CDC37L1: variants seen among roughly 807,000 people sequenced by gnomAD.
CDC37L1 encodes the protein cell division cycle 37 like 1, HSP90 cochaperone.
CDC37L1 carries 32 observed loss-of-function variants against 45.9 expected under a neutral mutation model. The ratio of observed to expected loss-of-function variants is 0.70; its 90% confidence interval spans 0.53 to 0.94. CDC37L1 has a LOEUF of 0.94. Among genes scored for constraint, CDC37L1 ranks in the 40% least tolerant of loss-of-function variants. The pLI is 0.00. For missense variants in CDC37L1, 434 were observed against 405.7 expected, an observed-to-expected ratio of 1.07 and a Z score of -0.60; for synonymous variants, 150 against 133.0, an observed-to-expected ratio of 1.13 and a Z score of -0.88.
chr9:4,689,629 G>C (rs530725117), intron 3 of CDC37L1, among the ~76,000 whole-genome samples: 52 of 152,118 alleles, frequency 3.4e-4, no homozygotes, highest in African/African-American at 1.2e-3. Flanking sequence ...TAAAGACAAA[G>C]TTTTTCTACA....
chr9:4,691,811 C>T (rs1333416650), intron 3 of CDC37L1, among the ~76,000 whole-genome samples: 15 of 152,092 alleles, frequency 9.9e-5, no homozygotes, highest in Non-Finnish European at 1.5e-5. Context: ...TTTTCCTCTA[C>T]ATTTGTATTT....
rs1841164359 is a variant in CDC37L1 at position 4,679,570 on chromosome 9, TTCCGCCG to T, written c.-190_-184del. ...AGTGACGCACCGCGCCGACTATTTC[TTCCGCCG>T]TCCGCCGGTGGCGAGGCCCAGGCTG... is the stretch of plus-strand genomic sequence containing the variant. On this transcript the variant is annotated 5_prime_UTR_variant, in exon 1 of 7. Coordinates refer to ENST00000381854, the MANE Select transcript of CDC37L1 (RefSeq NM_017913.4). 1 of 516,780 alleles carries T rather than the reference TTCCGCCG, an allele frequency of 1.9e-6. No homozygotes were observed. Among genetic ancestry groups the T allele is most frequent in the Admixed American group, 3.7e-5 (1 of 27,046 alleles). 32.0% of individuals were successfully genotyped at this position (516,780 alleles called of 1,614,324 possible).
intron 3 of CDC37L1, among the ~76,000 whole-genome samples, chr9:4,689,220 C>A (rs557006165): frequency 6.6e-6 from 1 of 151,932 alleles, no homozygotes; most frequent in African/African-American, 2.4e-5. Context: ...CAGCATGAGA[C>A]GGGCAGTTAG....
intron 5 of CDC37L1, among the ~76,000 whole-genome samples, chr9:4,699,946 T>A (rs2130853078): frequency 6.6e-6 from 1 of 152,252 alleles, no homozygotes; most frequent in Non-Finnish European, 1.5e-5. Flanking sequence ...GTTTTCTTTT[T>A]CATGTACTAC....
intron 1 of CDC37L1, among the ~76,000 whole-genome samples, chr9:4,680,147 TC>T (rs1841176415): frequency 6.6e-6 from 1 of 152,204 alleles, no homozygotes; most frequent in Non-Finnish European, 1.5e-5. Context: ...CTTGGCTGAT[TC>T]CTGTTCACTC....
chr9:4,701,089 C>T (rs1011611425), intron 5 of CDC37L1, among the ~76,000 whole-genome samples: 37 of 152,258 alleles, frequency 2.4e-4, no homozygotes, highest in African/African-American at 8.0e-4. Context: ...AACTAATCCA[C>T]AGGTTTTAAC....
At chr9:4,684,078 G>T (rs929458263) in intron 1 of CDC37L1, among the ~76,000 whole-genome samples, 3 of 148,298 alleles carry the variant, frequency 2.0e-5, no homozygotes, top group African/African-American at 7.5e-5. Flanking sequence ...GAGGTCAAGA[G>T]ATCAAGACCA....
chr9:4,701,670 CA>C (rs1170200374), intron 5 of CDC37L1, among the ~76,000 whole-genome samples, 193 bp from the exon 6 acceptor site: 2 of 152,090 alleles, frequency 1.3e-5, no homozygotes, highest in African/African-American at 4.8e-5. Context: ...GGAAATGGAG[CA>C]AACCAATTAT....
chr9:4,700,483 A>C (rs1841386961), intron 5 of CDC37L1, among the ~76,000 whole-genome samples: 1 of 152,216 alleles, frequency 6.6e-6, no homozygotes, highest in African/African-American at 2.4e-5. Flanking sequence ...AAGAGTAGTA[A>C]AAAACATACT....
intron 5 of CDC37L1, among the ~76,000 whole-genome samples, chr9:4,698,277 T>G (rs1485441585): frequency 6.6e-6 from 1 of 151,512 alleles, no homozygotes; most frequent in Admixed American, 6.6e-5. Context: ...AATCAGACTT[T>G]TATAAAGAAA....
intron 1 of CDC37L1, among the ~76,000 whole-genome samples, chr9:4,680,115 C>T (rs558206819): frequency 6.6e-6 from 1 of 152,304 alleles, no homozygotes; most frequent in South Asian, 2.1e-4. Flanking sequence ...ACCTCCACCT[C>T]CACGCACATG....
intron 2 of CDC37L1, chr9:4,685,584 A>C (rs118161685): frequency 0.019 from 3,083 of 159,370 alleles, 54 homozygotes; most frequent in Middle Eastern, 0.04. Flanking sequence ...GTGGAAAAAT[A>C]AGTAGAGTGA....
chr9:4,686,314 T>C (rs1563767837), intron 2 of CDC37L1, among the ~76,000 whole-genome samples: 2 of 152,230 alleles, frequency 1.3e-5, no homozygotes, highest in Non-Finnish European at 2.9e-5. Context: ...CTATCAGTAC[T>C]TTAACAGTGA....
intron 1 of CDC37L1, among the ~76,000 whole-genome samples, chr9:4,683,423 A>C (rs993504321): frequency 2.0e-5 from 3 of 152,066 alleles, no homozygotes; most frequent in Non-Finnish European, 4.4e-5. Flanking sequence ...GGTCAGAAAA[A>C]GTTTAGGGCA....
In CDC37L1 at chr9:4,706,227, G is replaced by T; in HGVS notation, c.*115G>T. 1 of 530,586 alleles carries T rather than the reference G, an allele frequency of 1.9e-6. No individual in the cohort carries two copies. Among genetic ancestry groups the T allele is most frequent in the Non-Finnish European group, 3.5e-6 (1 of 286,166 alleles). The allele number at this position is 530,586 out of a possible 1,614,324, so 32.9% of individuals were successfully genotyped here. ...TTTATTTTTGTTCGGTTTTTGATGG[G>T]AGGGAAAGAGTACTGAAATGTTTTG... On this transcript the variant is annotated 3_prime_UTR_variant, in exon 7 of 7. Coordinates refer to ENST00000381854, the MANE Select transcript of CDC37L1 (RefSeq NM_017913.4).
chr9:4,696,710 T>G (rs781019744), intron 3 of CDC37L1, among the ~76,000 whole-genome samples: 25 of 152,252 alleles, frequency 1.6e-4, no homozygotes, highest in Non-Finnish European at 3.5e-4. Flanking sequence ...TATGCTTAAC[T>G]AATTTTTAAA....
chr9:4,683,715 A>T (rs1841219829), intron 1 of CDC37L1, among the ~76,000 whole-genome samples: 1 of 152,218 alleles, frequency 6.6e-6, no homozygotes, highest in Non-Finnish European at 1.5e-5. Context: ...TTGGGATAAG[A>T]GTCTGCATTT....
intron 3 of CDC37L1, among the ~76,000 whole-genome samples, chr9:4,689,259 T>C (rs929326705): frequency 6.6e-6 from 1 of 151,748 alleles, no homozygotes; most frequent in South Asian, 2.1e-4. Flanking sequence ...CTGAGAATTA[T>C]AGGCAGCATG....
intron 3 of CDC37L1, among the ~76,000 whole-genome samples, chr9:4,696,005 C>T (rs964112738): frequency 2.6e-5 from 4 of 152,146 alleles, no homozygotes; most frequent in African/African-American, 9.7e-5. Context: ...AGGCTGGTCT[C>T]GAACTCCTGA....
Sources: gnomAD v4.1 joint callset for allele counts (sites outside exome capture counted in the v4.1 genomes callset) on GRCh38, gnomAD v4.1.1 for gene constraint, MANE v1.5 for transcripts, NCBI Gene and HGNC (gene_info 2026-07-23, HGNC 2026-07-21) for gene names.